Variants in PPP2R2C observed in about 807,000 individuals in gnomAD.
The protein encoded by PPP2R2C is protein phosphatase 2, regulatory subunit B, gamma.
PPP2R2C carries 10 observed loss-of-function variants against 45.3 expected under a neutral mutation model. The ratio of observed to expected loss-of-function variants is 0.22; its 90% confidence interval spans 0.14 to 0.37. PPP2R2C has a LOEUF of 0.37. Among genes scored for constraint, PPP2R2C ranks in the 10% least tolerant of loss-of-function variants. PPP2R2C has a pLI of 1.00. For missense variants in PPP2R2C, 308 were observed against 619.7 expected, an observed-to-expected ratio of 0.50 and a Z score of 5.34; for synonymous variants, 257 against 245.4, an observed-to-expected ratio of 1.05 and a Z score of -0.44.
chr4:6,515,290 T>C (rs1237076472), intron 2 of PPP2R2C, among the ~76,000 whole-genome samples: 4 of 152,144 alleles, frequency 2.6e-5, no homozygotes, highest in African/African-American at 7.2e-5. Context: ...AACACTCTCA[T>C]AGAACCAGAA....
At position 6,378,367 on chromosome 4, in the gene PPP2R2C, C is replaced by T. The variant is rs745402259; in HGVS notation, c.334+40G>A. ...AACCAGCATTTGGTAGAAACATCTACGGCCTGTGCCCATGCAAGCGAGGCC... is the reference window on the plus strand; with the variant it reads ...AACCAGCATTTGGTAGAAACATCTATGGCCTGTGCCCATGCAAGCGAGGCC... On this transcript the variant is annotated intron_variant, in intron 3 of 8. Coordinates refer to ENST00000382599, the MANE Select transcript of PPP2R2C (RefSeq NM_020416.4). This position sits in a 1 kb window ranked among gnomAD's most constrained non-coding sequence, Gnocchi z 5.2. 11 of 1,612,998 alleles carry T rather than the reference C, an allele frequency of 6.8e-6. No homozygotes were observed. Among genetic ancestry groups the T allele is most frequent in the Admixed American group, 3.3e-5 (2 of 59,840 alleles).
rs141769652 is a variant in PPP2R2C at position 6,400,269 on chromosome 4, A to G, written c.71-19175T>C. Among the ~76,000 whole-genome samples, 1,006 of 152,308 alleles carry G rather than the reference A, an allele frequency of 6.6e-3. 11 individuals carry two copies. The highest frequency in any genetic ancestry group is 0.021 in the African/African-American group (890 of 41,562). ...CAGGAGCTGATGTGAGAATCCAACC[A>G]TCATCTATTAAGCTAGAGATTAAAG... On this transcript the variant is annotated intron_variant, in intron 1 of 8. Transcript: ENST00000382599.
chr4:6,393,581 G>A (rs755473082), intron 1 of PPP2R2C, among the ~76,000 whole-genome samples: 13 of 152,298 alleles, frequency 8.5e-5, no homozygotes, highest in African/African-American at 1.7e-4. Flanking sequence ...CCTCCAACCC[G>A]TGTCTGCACC....
Position 6,471,911 on chromosome 4 carries a change from C to A in PPP2R2C, c.70+249G>T, listed in dbSNP as rs1051612533. ...GAGAGGAAAGCTGCCTCCCGGAGGG[C>A]GGCGCGGAGGAGGGCGCTGCCCTGT... On this transcript the variant is annotated intron_variant, in intron 1 of 8. Transcript: ENST00000382599. The surrounding 1 kb of genome is among the most constrained non-coding windows in gnomAD (Gnocchi z 5.6). Among the ~76,000 whole-genome samples the A allele has an allele frequency of 4.0e-5, 6 of 151,274 alleles. No homozygotes were observed. The highest frequency in any genetic ancestry group is 3.9e-4 in the Admixed American group (6 of 15,226).
intron 1 of PPP2R2C, among the ~76,000 whole-genome samples, chr4:6,461,320 G>A (rs1721308789): frequency 6.6e-6 from 1 of 152,190 alleles, no homozygotes; most frequent in African/African-American, 2.4e-5. Context: ...TTGTTTTGTG[G>A]GGTCATGTGG....
intron 6 of PPP2R2C, among the ~76,000 whole-genome samples, chr4:6,346,612 G>C (rs141778351): frequency 6.6e-6 from 1 of 152,234 alleles, no homozygotes; most frequent in Non-Finnish European, 1.5e-5. Flanking sequence ...CTGGATGGCT[G>C]AGCGTGACAC....
chr4:6,539,148 AAAG>A (rs200626814), intron 1 of PPP2R2C, among the ~76,000 whole-genome samples: 37 of 142,062 alleles, frequency 2.6e-4, no homozygotes, highest in Admixed American at 5.1e-4. Context: ...CAAAAAAAAA[AAAG>A]AGAGAGAGGG....
chr4:6,518,871 C>T (rs900300890), intron 2 of PPP2R2C, among the ~76,000 whole-genome samples: 4 of 124,004 alleles, frequency 3.2e-5, no homozygotes, highest in Non-Finnish European at 6.3e-5. Context: ...TGCAGTGAGA[C>T]AAGATCACAC....
upstream of PPP2R2C, among the ~76,000 whole-genome samples, chr4:6,474,358 G>A (rs1390161606): frequency 6.6e-6 from 1 of 152,176 alleles, no homozygotes; most frequent in African/African-American, 2.4e-5. Flanking sequence ...AAGTGGATGT[G>A]ATGGCAGGAG....
chr4:6,506,962 C>CCCAGATCA (rs1723258050), intron 2 of PPP2R2C, among the ~76,000 whole-genome samples: 1 of 152,156 alleles, frequency 6.6e-6, no homozygotes, highest in African/African-American at 2.4e-5. Flanking sequence ...ACTCAAAAGA[C>CCCAGATCA]CCAGATCACC....
rs753966127 is a variant in PPP2R2C at position 6,378,392 on chromosome 4, C to T, written c.334+15G>A. 2.4e-5 allele frequency: 38 copies of T among 1,614,058 alleles called. No individual in the cohort carries two copies. The highest frequency in any genetic ancestry group is 6.7e-5 in the East Asian group (3 of 44,882). ...CGGCCTGTGCCCATGCAAGCGAGGCCGGGCAGCGCCTCACCGTTGGTGGAC... is the reference window on the plus strand; with the variant it reads ...CGGCCTGTGCCCATGCAAGCGAGGCTGGGCAGCGCCTCACCGTTGGTGGAC... On this transcript the variant is annotated intron_variant, in intron 3 of 8. Coordinates refer to ENST00000382599, the MANE Select transcript of PPP2R2C (RefSeq NM_020416.4). This position sits in a 1 kb window ranked among gnomAD's most constrained non-coding sequence, Gnocchi z 5.2.
intron 1 of PPP2R2C, among the ~76,000 whole-genome samples, chr4:6,546,942 G>A (rs1033764401): frequency 2.0e-5 from 3 of 152,146 alleles, no homozygotes; most frequent in African/African-American, 4.8e-5. Flanking sequence ...AAAGAGAGAC[G>A]GGAAGAAGAG....
intron 2 of PPP2R2C, among the ~76,000 whole-genome samples, chr4:6,534,182 ACAT>A (rs1724505476): frequency 1.3e-5 from 2 of 151,408 alleles, no homozygotes; most frequent in African/African-American, 4.9e-5. Flanking sequence ...ATCAACACAC[ACAT>A]CAACACATAC....
At chr4:6,335,018 C>T (rs1306554069) in intron 6 of PPP2R2C, among the ~76,000 whole-genome samples, 1 of 152,220 alleles carries the variant, frequency 6.6e-6, no homozygotes, top group African/African-American at 2.4e-5. Flanking sequence ...TCCAGAAATA[C>T]AACTCCTGTC....
intron 5 of PPP2R2C, chr4:6,350,005 C>T: frequency 1.0e-6 from 1 of 985,372 alleles, no homozygotes; most frequent in Non-Finnish European, 1.2e-6. Context: ...GGTCTCTGTG[C>T]TCGTGCTCAA....
chr4:6,542,634 G>A (rs1404640601), intron 1 of PPP2R2C, among the ~76,000 whole-genome samples: 3 of 146,392 alleles, frequency 2.0e-5, no homozygotes, highest in Non-Finnish European at 4.5e-5. Context: ...AACCTGGGAG[G>A]CAAAGGTTGC....
chr4:6,353,477 C>A (rs1177662052), intron 5 of PPP2R2C, among the ~76,000 whole-genome samples: 1 of 40,946 alleles, frequency 2.4e-5, no homozygotes, highest in Non-Finnish European at 4.8e-5. Context: ...CACCCAACAG[C>A]CCCCCCACAC....
At position 6,324,077 on chromosome 4, in the gene PPP2R2C, A is replaced by C. The variant is rs1577063686; in HGVS notation, c.1053-484T>G. ...CCCCCTCACATGTCAGCTGCCACCA[A>C]CATGCAGACTTTGGGGCCAGGAGCT... On this transcript the variant is annotated intron_variant, in intron 8 of 8. Coordinates refer to ENST00000382599, the MANE Select transcript of PPP2R2C (RefSeq NM_020416.4). The surrounding 1 kb of genome is among the most constrained non-coding windows in gnomAD (Gnocchi z 4.1). Among the ~76,000 whole-genome samples the C allele has an allele frequency of 6.6e-6, 1 of 152,154 alleles. No individual in the cohort carries two copies. Among genetic ancestry groups the C allele is most frequent in the South Asian group, 2.1e-4 (1 of 4,824 alleles).
At chr4:6,519,836 G>A (rs1469002296) in intron 2 of PPP2R2C, among the ~76,000 whole-genome samples, 1 of 152,176 alleles carries the variant, frequency 6.6e-6, no homozygotes, top group African/African-American at 2.4e-5. Context: ...GTGATCCACA[G>A]AGACACAAAA....
Sources: gnomAD v4.1 joint callset for allele counts (sites outside exome capture counted in the v4.1 genomes callset) on GRCh38, gnomAD v4.1.1 for gene constraint, Gnocchi (gnomAD v3.1) non-coding constraint, MANE v1.5 for transcripts, NCBI Gene and HGNC (gene_info 2026-07-23, HGNC 2026-07-21) for gene names.